Variants in CTNND2 observed in about 807,000 individuals in gnomAD.
CTNND2 encodes catenin delta-2.
Under a neutral mutation model 144.4 loss-of-function variants are expected in CTNND2, and 22 were observed. That is an observed-to-expected ratio of 0.15 (90% CI 0.11 to 0.22). The LOEUF (loss-of-function observed/expected upper bound fraction) is 0.22. Ranked by LOEUF, CTNND2 falls within the 10% of genes least tolerant of loss-of-function variation. The pLI, the probability that CTNND2 is intolerant of heterozygous loss-of-function variation, is 1.00. For synonymous variants in CTNND2, 751 were observed against 695.6 expected (o/e 1.08, Z -1.25); for missense variants, 1,353 against 1,618.8 (o/e 0.84, Z 2.82).
intron 12 of CTNND2, among the ~76,000 whole-genome samples, chr5:11,145,993 A>T (rs1428788683): frequency 6.6e-6 from 1 of 152,170 alleles, no homozygotes; most frequent in African/African-American, 2.4e-5. Context: ...TCCCCCGGAC[A>T]GACTCTGGGG....
intron 1 of CTNND2, among the ~76,000 whole-genome samples, chr5:11,880,795 T>C (rs1736026508): frequency 2.1e-5 from 1 of 48,682 alleles, no homozygotes; most frequent in Non-Finnish European, 3.9e-5. Flanking sequence ...CCACTACTAC[T>C]ACTCTACCAC....
intron 2 of CTNND2, among the ~76,000 whole-genome samples, chr5:11,692,408 C>T (rs941365200): frequency 2.0e-5 from 3 of 152,200 alleles, no homozygotes; most frequent in Admixed American, 6.5e-5. Flanking sequence ...GTGAGACAGG[C>T]TGCTGTCTGT....
Position 11,058,429 on chromosome 5 carries a change from G to C in CTNND2, c.2788+24267C>G, listed in dbSNP as rs1419902525. ...CAGAGGGTGCAAGCCCCAAGCCTTG[G>C]CAGCTCTCATGTGGTGTTGAGACTG... On this transcript the variant is annotated intron_variant, in intron 16 of 21. Transcript: ENST00000304623. 3.9e-5 allele frequency among the ~76,000 whole-genome samples: 6 copies of C among 152,348 alleles called. No homozygotes were observed. In the South Asian group the frequency reaches 8.3e-4, roughly 21 times the overall value.
intron 1 of CTNND2, among the ~76,000 whole-genome samples, chr5:11,792,825 G>A (rs547789711): frequency 3.5e-4 from 53 of 152,252 alleles, no homozygotes; most frequent in African/African-American, 1.2e-3. Context: ...CTTTCCCTAC[G>A]GAAGGCTTCC....
At chr5:11,078,832 C>G (rs912496348) in intron 16 of CTNND2, among the ~76,000 whole-genome samples, 2 of 142,888 alleles carry the variant, frequency 1.4e-5, no homozygotes, top group Non-Finnish European at 3.2e-5. Context: ...TAACGACCTA[C>G]TTTAGATATA....
intron 8 of CTNND2, among the ~76,000 whole-genome samples, chr5:11,363,034 C>A (rs1374447251): frequency 6.6e-6 from 1 of 152,172 alleles, no homozygotes; most frequent in African/African-American, 2.4e-5. Flanking sequence ...GAACATTAAT[C>A]ATCTTTTGAT....
chr5:11,744,391 G>A (rs1044178384), intron 1 of CTNND2, among the ~76,000 whole-genome samples: 1 of 152,148 alleles, frequency 6.6e-6, no homozygotes, highest in African/African-American at 2.4e-5. Context: ...TCTCAGGGCA[G>A]AACTGACAGA....
At chr5:11,824,674 C>T (rs1007415121) in intron 1 of CTNND2, among the ~76,000 whole-genome samples, 1 of 152,160 alleles carries the variant, frequency 6.6e-6, no homozygotes, top group Non-Finnish European at 1.5e-5. Flanking sequence ...AACCCTAGAC[C>T]TAAGAGGATA....
At chr5:11,309,354 C>T (rs1210311148) in intron 9 of CTNND2, among the ~76,000 whole-genome samples, 1 of 152,152 alleles carries the variant, frequency 6.6e-6, no homozygotes, top group African/African-American at 2.4e-5. Context: ...GGGAGCCCAC[C>T]CCTTGTATCA....
intron 3 of CTNND2, among the ~76,000 whole-genome samples, chr5:11,533,141 C>T (rs1284707355): frequency 6.6e-6 from 1 of 152,202 alleles, no homozygotes; most frequent in Non-Finnish European, 1.5e-5. Flanking sequence ...AAGAGGAGCT[C>T]ACATTCATAT....
At chr5:11,446,868 G>A (rs1309632747) in intron 3 of CTNND2, among the ~76,000 whole-genome samples, 1 of 152,092 alleles carries the variant, frequency 6.6e-6, no homozygotes, top group Non-Finnish European at 1.5e-5. Context: ...ACAGCACTAG[G>A]AGCAGGGGAG....
chr5:11,487,144 T>C (rs576233080), intron 3 of CTNND2, among the ~76,000 whole-genome samples: 11 of 152,198 alleles, frequency 7.2e-5, no homozygotes, highest in Non-Finnish European at 1.0e-4. Flanking sequence ...AAGATATAAA[T>C]GATCATGTCA....
chr5:11,882,288 A>C (rs1273493042), intron 1 of CTNND2, among the ~76,000 whole-genome samples: 11 of 152,044 alleles, frequency 7.2e-5, no homozygotes, highest in Admixed American at 3.3e-4. Context: ...TATCCAAAAA[A>C]TCTTTGCCCA....
At chr5:11,479,360 T>C (rs249268) in intron 3 of CTNND2, among the ~76,000 whole-genome samples, 46,907 of 152,114 alleles carry the variant, frequency 0.31, 7,358 homozygotes, top group South Asian at 0.39. Context: ...TACAATTCCA[T>C]GGTATATATG....
At chr5:11,476,270 C>T (rs1767736408) in intron 3 of CTNND2, among the ~76,000 whole-genome samples, 1 of 152,012 alleles carries the variant, frequency 6.6e-6, no homozygotes, top group Non-Finnish European at 1.5e-5. Context: ...TCTTTAAATT[C>T]CCACTGTACC....
intron 9 of CTNND2, among the ~76,000 whole-genome samples, chr5:11,244,236 T>C (rs1368976717): frequency 1.3e-5 from 2 of 151,982 alleles, no homozygotes; most frequent in African/African-American, 4.8e-5. Flanking sequence ...TTAATCCTCA[T>C]TCCTGGATAG....
chr5:11,261,728 T>C (rs967475132), intron 9 of CTNND2, among the ~76,000 whole-genome samples: 6 of 152,216 alleles, frequency 3.9e-5, no homozygotes, highest in African/African-American at 1.2e-4. Context: ...TAGAATACTA[T>C]AGTATAACCA....
Position 10,981,755 on chromosome 5 carries a change from G to A in CTNND2, c.3417+18C>T, listed in dbSNP as rs367742942. 13 of 1,590,446 alleles carry A rather than the reference G, an allele frequency of 8.2e-6. No individual in the cohort carries two copies. Among genetic ancestry groups the A allele is most frequent in the Middle Eastern group, 1.7e-4 (1 of 6,040 alleles). On this transcript the variant is annotated intron_variant, in intron 21 of 21. Coordinates refer to ENST00000304623, the MANE Select transcript of CTNND2 (RefSeq NM_001332.4). ...GTCACACTGAAAAGGAAATACAAAC[G>A]TGTTGCATTTACTTTACCTGGTTGT...
At chr5:11,295,689 A>G (rs796078437) in intron 9 of CTNND2, among the ~76,000 whole-genome samples, 2 of 152,326 alleles carry the variant, frequency 1.3e-5, no homozygotes, top group South Asian at 2.1e-4. Flanking sequence ...CATATCTACA[A>G]CTATCTGATC....
Sources: gnomAD v4.1 joint callset for allele counts (sites outside exome capture counted in the v4.1 genomes callset) on GRCh38, gnomAD v4.1.1 for gene constraint, MANE v1.5 for transcripts, NCBI Gene and HGNC (gene_info 2026-07-23, HGNC 2026-07-21) for gene names.